Variants in IQCH observed in about 807,000 individuals in gnomAD.
IQCH encodes the protein IQ motif containing H, also known as IQ domain-containing protein H.
IQCH carries 98 observed loss-of-function variants against 117.0 expected under a neutral mutation model. The ratio of observed to expected loss-of-function variants is 0.84; its 90% confidence interval spans 0.71 to 0.99. The LOEUF is 0.99. Ranked by LOEUF, IQCH falls within the 50% of genes least tolerant of loss-of-function variation. The pLI is 0.00. For missense variants in IQCH, 1,102 were observed against 1,243.8 expected, an observed-to-expected ratio of 0.89 and a Z score of 1.72; for synonymous variants, 412 against 448.2, an observed-to-expected ratio of 0.92 and a Z score of 1.02.
intron 4 of IQCH, among the ~76,000 whole-genome samples, chr15:67,330,688 T>C (rs1234864251): frequency 6.6e-6 from 1 of 152,164 alleles, no homozygotes; most frequent in Non-Finnish European, 1.5e-5. Context: ...AAAGCCCCAC[T>C]GGGCCATGAA....
At chr15:67,485,720 G>A (rs530966182) in intron 18 of IQCH, among the ~76,000 whole-genome samples, 151 of 152,228 alleles carry the variant, frequency 9.9e-4, no homozygotes, top group African/African-American at 3.4e-3. Flanking sequence ...GTTCAGTGGC[G>A]TGATCTTGGC....
chr15:67,324,210 G>C (rs1479172780), intron 4 of IQCH, among the ~76,000 whole-genome samples: 1 of 151,486 alleles, frequency 6.6e-6, no homozygotes, highest in Non-Finnish European at 1.5e-5. Flanking sequence ...CTCCCAAAGT[G>C]CTGGGATTAC....
chr15:67,469,594 A>G (rs2083019624), intron 17 of IQCH, among the ~76,000 whole-genome samples: 1 of 152,246 alleles, frequency 6.6e-6, no homozygotes, highest in African/African-American at 2.4e-5. Context: ...AACTAGAAGT[A>G]AATTCTGCAG....
rs1057295009 is a variant in IQCH at position 67,372,050 on chromosome 15, A to G, written c.754-61A>G. ...TGATAATGTAGTGTGTGTCTTGACC[A>G]CTCATTTAAAGGAGATCATAATATC... On this transcript the variant is annotated intron_variant, in intron 8 of 20. Coordinates refer to ENST00000335894, the MANE Select transcript of IQCH (RefSeq NM_001031715.3). The G allele has an allele frequency of 8.0e-6, 11 of 1,372,260 alleles. No homozygotes were observed. The Admixed American group carries it at 2.4e-4, about 30-fold the overall frequency. 85.0% of individuals were successfully genotyped at this position (1,372,260 alleles called of 1,614,324 possible).
chr15:67,343,448 CA>C lies in IQCH; in HGVS notation c.509-611del, dbSNP rs1969256378. ...TTATTTAATGATGTCTCTTATCCTTCAAAAGATTTGGCACCAGCCATGCTAA... is the reference window on the plus strand; with the variant it reads ...TTATTTAATGATGTCTCTTATCCTTCAAAGATTTGGCACCAGCCATGCTAA... On this transcript the variant is annotated intron_variant, in intron 5 of 20. Coordinates refer to ENST00000335894, the MANE Select transcript of IQCH (RefSeq NM_001031715.3). Among the ~76,000 whole-genome samples the C allele has an allele frequency of 2.6e-5, 4 of 152,310 alleles. No individual in the cohort carries two copies. In the South Asian group the frequency reaches 8.3e-4, roughly 32 times the overall value.
In IQCH at chr15:67,344,178, G is replaced by T. The variant is rs765900957; in HGVS notation, c.624G>T (p.Lys208Asn). The T allele has an allele frequency of 1.1e-5, 18 of 1,613,376 alleles. No homozygotes were observed. The South Asian group carries it at 2.0e-4, about 18-fold the overall frequency. ...TGCATAGTTTTGATGAAGCACGTAAGATTCCAACTGTAGGTAAGATACTCA... is the reference window on the plus strand; with the variant it reads ...TGCATAGTTTTGATGAAGCACGTAATATTCCAACTGTAGGTAAGATACTCA... The part of the protein sequence containing the change: ...APLHSFDEAR[K>N]IPTVATFTIP... Residue 208 changes from lysine (K) to asparagine (N), a missense_variant, in exon 6 of 21, where the codon AAG becomes AAT. Lys to Asn is a moderately conservative substitution (Grantham distance 94). Around this residue, in one of 2 missense-constraint regions of IQCH, gnomAD observed 452 missense variants for 449.6 expected, o/e 1.01. Transcript: ENST00000335894.
chr15:67,437,861 A>G (rs766704330), intron 16 of IQCH, among the ~76,000 whole-genome samples: 3 of 152,158 alleles, frequency 2.0e-5, no homozygotes, highest in African/African-American at 2.4e-5. Context: ...AAAAAGAATA[A>G]GAAAATATGA....
chr15:67,434,178 C>G (rs1447494795), intron 16 of IQCH, among the ~76,000 whole-genome samples: 1 of 152,092 alleles, frequency 6.6e-6, no homozygotes, highest in Non-Finnish European at 1.5e-5. Flanking sequence ...GTTAGGTCTC[C>G]AGAATTCATT....
chr15:67,314,817 T>A (rs992755106), intron 4 of IQCH, among the ~76,000 whole-genome samples: 1 of 152,228 alleles, frequency 6.6e-6, no homozygotes, highest in African/African-American at 2.4e-5. Flanking sequence ...ATCTAATTTT[T>A]AAATGTGTGA....
chr15:67,368,568 G>C (rs1027008604), intron 8 of IQCH, among the ~76,000 whole-genome samples: 8 of 152,188 alleles, frequency 5.3e-5, no homozygotes, highest in African/African-American at 1.9e-4. Flanking sequence ...TTTTCACACA[G>C]TGCAATTGCC....
rs140529181 is a variant in IQCH at position 67,421,302 on chromosome 15, G to A, written c.2230G>A (p.Glu744Lys). The A allele has an allele frequency of 3.1e-6, 5 of 1,613,688 alleles. No homozygotes were observed. Among genetic ancestry groups the A allele is most frequent in the East Asian group, 2.2e-5 (1 of 44,852 alleles). The change falls in exon 16 of 21, where the codon GAA becomes AAA. Residue 744 changes from glutamate (E) to lysine (K), a missense_variant. By Grantham distance (56) the Glu-to-Lys change is moderately conservative. This residue lies in a region of IQCH where 650 missense variants were observed against 794.3 expected (regional missense o/e 0.82). Transcript: ENST00000335894. ...QTFLSQGGVI[E>K]AFPPADNVTN... Reference sequence around the variant, plus strand: ...GTTTTTCCCACCAGGGGGTGTGATCGAAGCATTCCCACCTGCAGACAATGT... The same window carrying A: ...GTTTTTCCCACCAGGGGGTGTGATCAAAGCATTCCCACCTGCAGACAATGT...
At position 67,476,231 on chromosome 15, in the gene IQCH, A is replaced by C. The variant is rs1467427914; in HGVS notation, c.2799+413A>C. Among the ~76,000 whole-genome samples, 2 of 152,220 alleles carry C rather than the reference A, an allele frequency of 1.3e-5. No individual in the cohort carries two copies. Among genetic ancestry groups the C allele is most frequent in the Non-Finnish European group, 2.9e-5 (2 of 68,048 alleles). ...ACAAGCTAAATGGCTTGAGCCACAG[A>C]AGCGTATTTTCTCACTGTCTGGCAG... On this transcript the variant is annotated intron_variant, in intron 18 of 20. Coordinates refer to ENST00000335894, the MANE Select transcript of IQCH (RefSeq NM_001031715.3). The surrounding 1 kb of genome is among the most constrained non-coding windows in gnomAD (Gnocchi z 4.1).
chr15:67,431,049 A>G lies in IQCH; in HGVS notation c.2505+9472A>G, dbSNP rs1415014394. ...GGATTTGAGCCGAAAGAAAATTAGG[A>G]TATGAGGAGGGTAAGAAAGAGTGTA... On this transcript the variant is annotated intron_variant, in intron 16 of 20. Coordinates refer to ENST00000335894, the MANE Select transcript of IQCH (RefSeq NM_001031715.3). This position sits in a 1 kb window ranked among gnomAD's most constrained non-coding sequence, Gnocchi z 4.8. Among the ~76,000 whole-genome samples, 1 of 152,186 alleles carries G rather than the reference A, an allele frequency of 6.6e-6. No individual in the cohort carries two copies. The highest frequency in any genetic ancestry group is 1.5e-5 in the Non-Finnish European group (1 of 68,038).
At chr15:67,279,769 G>A (rs1419218299) in intron 4 of IQCH, among the ~76,000 whole-genome samples, 2 of 152,134 alleles carry the variant, frequency 1.3e-5, no homozygotes, top group Non-Finnish European at 2.9e-5. Flanking sequence ...TTGGGAGGCC[G>A]AGGTGGGTGG....
At chr15:67,304,639 GT>G (rs984909725) in intron 4 of IQCH, among the ~76,000 whole-genome samples, 7 of 151,980 alleles carry the variant, frequency 4.6e-5, no homozygotes, top group African/African-American at 1.4e-4. Context: ...ATGTAAGCCT[GT>G]TTTTGAAGAC....
chr15:67,488,463 G>C (rs2083555597), intron 18 of IQCH, among the ~76,000 whole-genome samples: 1 of 152,234 alleles, frequency 6.6e-6, no homozygotes, highest in African/African-American at 2.4e-5. Context: ...AGGGGAACAG[G>C]AAAGGGAAAT....
intron 4 of IQCH, among the ~76,000 whole-genome samples, chr15:67,312,201 A>G (rs548210015): frequency 2.0e-5 from 3 of 152,254 alleles, no homozygotes; most frequent in Admixed American, 6.5e-5. Context: ...ACAGGGGTCC[A>G]TGGGTAGAAC....
chr15:67,494,121 C>T lies in IQCH; in HGVS notation c.2862-137C>T. 1 of 557,766 alleles carries T rather than the reference C, an allele frequency of 1.8e-6. No homozygotes were observed. Among genetic ancestry groups the T allele is most frequent in the Non-Finnish European group, 3.1e-6 (1 of 322,866 alleles). 34.6% of individuals were successfully genotyped at this position (557,766 alleles called of 1,614,324 possible). Reference sequence around the variant, plus strand: ...AATGGAGTCTCATCTTTCATATCTCCCTGAAGATTGCCACCTTGTGAGATT... The same window carrying T: ...AATGGAGTCTCATCTTTCATATCTCTCTGAAGATTGCCACCTTGTGAGATT... On this transcript the variant is annotated intron_variant, in intron 19 of 20. Coordinates refer to ENST00000335894, the MANE Select transcript of IQCH (RefSeq NM_001031715.3). The surrounding 1 kb of genome is among the most constrained non-coding windows in gnomAD (Gnocchi z 5.5).
At chr15:67,264,890 C>A (rs1965606876) in intron 3 of IQCH, among the ~76,000 whole-genome samples, 1 of 142,594 alleles carries the variant, frequency 7.0e-6, no homozygotes, top group Non-Finnish European at 1.6e-5. Context: ...CCTCCCCTAC[C>A]ATATGTATAT....
Sources: allele counts gnomAD v4.1 joint callset (sites outside exome capture counted in the v4.1 genomes callset), GRCh38; gene constraint gnomAD v4.1.1; regional missense constraint gnomAD v4.1.1; non-coding constraint Gnocchi (gnomAD v3.1); transcripts MANE v1.5; gene names NCBI Gene and HGNC (gene_info 2026-07-23, HGNC 2026-07-21).